The following CACNA1I variants were observed in gnomAD, a reference collection of about 807,000 sequenced individuals.
CACNA1I encodes calcium voltage-gated channel subunit alpha1 I.
Under a neutral mutation model 201.6 loss-of-function variants are expected in CACNA1I, and 74 were observed. The observed-to-expected ratio is 0.37, with a 90% CI of 0.30 to 0.45. The LOEUF is 0.45. CACNA1I is among the 20% of genes least tolerant of loss of function. The pLI is 1.00. For missense variants in CACNA1I, 2,346 were observed against 3,138.1 expected (o/e 0.75, Z 6.03); for synonymous variants, 1,431 against 1,345.2 (o/e 1.06, Z -1.40).
rs1934508362 is a variant in CACNA1I at position 39,646,832 on chromosome 22, C to T, written c.1413C>T (p.Ala471=). The T allele has an allele frequency of 9.8e-6, 15 of 1,537,746 alleles. No homozygotes were observed. The highest frequency in any genetic ancestry group is 1.3e-5 in the Non-Finnish European group (15 of 1,142,022). The change falls in exon 8 of 37, where the codon GCC becomes GCT. Residue 471 remains alanine (A), a synonymous_variant. Transcript: ENST00000402142. The part of the protein sequence containing the change: ...QSRRQALGPE[A]PAPAKPGPHA... Reference sequence around the variant, plus strand: ...GGCGCCAGGCCCTGGGCCCGGAGGCCCCGGCCCCCGCCAAACCTGGGCCCC... The same window carrying T: ...GGCGCCAGGCCCTGGGCCCGGAGGCTCCGGCCCCCGCCAAACCTGGGCCCC...
intron 3 of CACNA1I, among the ~76,000 whole-genome samples, chr22:39,611,209 AC>A (rs1601815830): frequency 6.6e-6 from 1 of 152,112 alleles, no homozygotes. Flanking sequence ...GCTTTTTTAC[AC>A]CCATGATGGT....
rs1195455861 is a variant in CACNA1I at position 39,660,455 on chromosome 22, T to G, written c.2698+18T>G. ...CAGCGGAGGTAAACAGGCCCTCGCT[T>G]GTCACCTAGAGAGCCCAGAGCCTTC... On this transcript the variant is annotated intron_variant, in intron 15 of 36. Transcript: ENST00000402142. 1 of 1,584,152 alleles carries G rather than the reference T, an allele frequency of 6.3e-7. No homozygotes were observed. Among genetic ancestry groups the G allele is most frequent in the East Asian group, 2.2e-5 (1 of 44,478 alleles).
At chr22:39,658,125 T>C in intron 10 of CACNA1I, 27 bp from the exon 11 acceptor site, 1 of 1,611,944 alleles carries the variant, frequency 6.2e-7, no homozygotes, top group Non-Finnish European at 8.5e-7. Flanking sequence ...TGACCGGGTC[T>C]CCATTCCCCA....
At chr22:39,622,605 G>T (rs949423833) in intron 4 of CACNA1I, among the ~76,000 whole-genome samples, 2 of 150,514 alleles carry the variant, frequency 1.3e-5, no homozygotes, top group Admixed American at 6.6e-5. Flanking sequence ...GTGTGGGGGG[G>T]GCGGTGGGGG....
In CACNA1I at chr22:39,679,712, G is replaced by A. The variant is rs565524929; in HGVS notation, c.5395-10G>A. ...TCCCGCCTGTCCCCACCCCGTCCCC[G>A]TCCGCCTAGGAGAACCTGTGGCTGG... On this transcript the variant is annotated splice_polypyrimidine_tract_variant and intron_variant, in intron 32 of 36. Transcript: ENST00000402142. 24 of 1,498,862 alleles carry A rather than the reference G, an allele frequency of 1.6e-5. No homozygotes were observed. The highest frequency in any genetic ancestry group is 1.1e-4 in the South Asian group (10 of 88,018). The allele number at this position is 1,498,862 out of a possible 1,614,324, so 92.8% of individuals were successfully genotyped here. A position where few individuals can be genotyped will look rare whatever the true frequency, so the allele number is the denominator to read the frequency against.
At position 39,570,763 on chromosome 22, in the gene CACNA1I, G is replaced by T; in HGVS notation, c.11G>T (p.Ser4Ile). The stretch of plus-strand genomic sequence containing the variant: ...CAGCTCAGTGTGGACATGGCTGAGA[G>T]CGCCTCCCCGCCCTCCTCATCTGCA... MAESASPPSSSAAA... is the reference protein window; with the variant it reads MAEIASPPSSSAAA... Residue 4 changes from serine to isoleucine, a missense_variant, in exon 1 of 37, where the codon AGC becomes ATC. Transcript: ENST00000402142. 6.2e-7 allele frequency: 1 copy of T among 1,601,906 alleles called. No individual in the cohort carries two copies.
chr22:39,631,002 G>A (rs760853446), intron 4 of CACNA1I, among the ~76,000 whole-genome samples: 2 of 152,166 alleles, frequency 1.3e-5, no homozygotes, highest in Non-Finnish European at 2.9e-5. Context: ...GGCCAGACTC[G>A]GGAGGAGTCT....
At position 39,581,879 on chromosome 22, in the gene CACNA1I, C is replaced by T. The variant is rs532223555; in HGVS notation, c.236+10891C>T. 2.8e-4 allele frequency among the ~76,000 whole-genome samples: 42 copies of T among 152,350 alleles called. 1 individual carries two copies. The Middle Eastern group carries it at 0.01, about 37-fold the overall frequency. ...CTGCCGAGTGGAGCCATGCTTTGCT[C>T]TCTAGTCTTCCTCTTCTTCCCCAAG... On this transcript the variant is annotated intron_variant, in intron 1 of 36. Coordinates refer to ENST00000402142, the MANE Select transcript of CACNA1I (RefSeq NM_021096.4).
At chr22:39,640,790 A>G (rs1415603215) in intron 5 of CACNA1I, 77 bp from the exon 6 acceptor site, 1 of 1,239,224 alleles carries the variant, frequency 8.1e-7, no homozygotes, top group Non-Finnish European at 1.1e-6. Context: ...GCTATGCTGC[A>G]TGGCCTCTCC....
chr22:39,663,937 G>A (rs1391734194), intron 19 of CACNA1I, 96 bp downstream of exon 19: 5 of 1,562,408 alleles, frequency 3.2e-6, no homozygotes, highest in Non-Finnish European at 3.5e-6. Flanking sequence ...AGGTGGGGAG[G>A]CAGGACAGGA....
intron 10 of CACNA1I, chr22:39,656,650 G>A: frequency 1.9e-6 from 1 of 518,392 alleles, no homozygotes; most frequent in Non-Finnish European, 3.9e-6. Context: ...AGGAATGAAT[G>A]AATGAATGAA....
intron 3 of CACNA1I, among the ~76,000 whole-genome samples, chr22:39,605,075 C>T (rs1391082198): frequency 5.1e-5 from 2 of 39,146 alleles, no homozygotes; most frequent in Admixed American, 3.3e-4. Context: ...CCACCCAAGA[C>T]CCATCCCCAG....
chr22:39,678,121 G>A lies in CACNA1I; in HGVS notation c.5055+13G>A, dbSNP rs60124986. On this transcript the variant is annotated intron_variant, in intron 31 of 36. Transcript: ENST00000402142. ...CGGGATCATGAAGGTACTCCTGGGC[G>A]GGCTGGGGTGGAGAAATCAGCCAGG... is the stretch of plus-strand genomic sequence containing the variant. 80 of 1,608,696 alleles carry A rather than the reference G, an allele frequency of 5.0e-5. No homozygotes were observed. In the African/African-American group the frequency reaches 5.2e-4, roughly 10 times the overall value.
At chr22:39,577,108 C>A (rs144587111) in intron 1 of CACNA1I, among the ~76,000 whole-genome samples, 9,425 of 152,220 alleles carry the variant, frequency 0.062, 450 homozygotes, top group Admixed American at 0.15. Context: ...CTCACCACCA[C>A]ACCCAGCTAA....
chr22:39,606,636 A>T (rs1227018925), intron 3 of CACNA1I, among the ~76,000 whole-genome samples: 1 of 152,196 alleles, frequency 6.6e-6, no homozygotes, highest in African/African-American at 2.4e-5. Flanking sequence ...AGGTTCAAGC[A>T]ATTCTCATGC....
At position 39,686,627 on chromosome 22, in the gene CACNA1I, C is replaced by CAT. The variant is rs72041195; in HGVS notation, c.*247_*248dup. The CAT allele has an allele frequency of 0.1, 13,219 of 126,832 alleles. 740 individuals are homozygous for CAT. Among genetic ancestry groups the CAT allele is most frequent in the East Asian group, 0.15 (642 of 4,238 alleles). The allele number at this position is 126,832 out of a possible 1,614,324, so 7.9% of individuals were successfully genotyped here. ...ATACATACATATATATATATATATGCATATATATATATATATATATATATA... is the reference window on the plus strand; with the variant it reads ...ATACATACATATATATATATATATGCATATATATATATATATATATATATATA... On this transcript the variant is annotated 3_prime_UTR_variant, in exon 37 of 37. Transcript: ENST00000402142.
chr22:39,621,917 T>C (rs1569066491), intron 4 of CACNA1I, among the ~76,000 whole-genome samples: 1 of 152,076 alleles, frequency 6.6e-6, no homozygotes, highest in African/African-American at 2.4e-5. Context: ...CCCAGAGGGC[T>C]CCTTGAAGAT....
intron 33 of CACNA1I, among the ~76,000 whole-genome samples, chr22:39,680,412 C>T (rs1282615327): frequency 6.6e-6 from 1 of 152,146 alleles, no homozygotes; most frequent in Non-Finnish European, 1.5e-5. Flanking sequence ...CCCAGAGTGG[C>T]CCCAGCCTCA....
chr22:39,607,597 G>C (rs1933256600), intron 3 of CACNA1I, among the ~76,000 whole-genome samples: 1 of 152,242 alleles, frequency 6.6e-6, no homozygotes, highest in Admixed American at 6.5e-5. Context: ...AAGAGAGATA[G>C]GGAGGGCTCC....
Sources: allele counts gnomAD v4.1 joint callset (sites outside exome capture counted in the v4.1 genomes callset), GRCh38; gene constraint gnomAD v4.1.1; transcripts MANE v1.5; gene names NCBI Gene and HGNC (gene_info 2026-07-23, HGNC 2026-07-21).